Variants in IGSF5 observed in about 807,000 individuals in gnomAD.
IGSF5 encodes the protein immunoglobulin superfamily 5 like.
A neutral mutation model predicts 39.4 loss-of-function variants in IGSF5; 41 were observed. The observed-to-expected ratio is 1.04, with a 90% CI of 0.81 to 1.35. IGSF5 has a LOEUF of 1.35. Ranked by LOEUF, IGSF5 falls within the 40% of genes most tolerant of loss-of-function variation. The pLI, the probability that IGSF5 is intolerant of heterozygous loss-of-function variation, is 0.00. For synonymous variants in IGSF5, 183 were observed against 175.3 expected, an observed-to-expected ratio of 1.04 and a Z score of -0.34; for missense variants, 487 against 494.6, an observed-to-expected ratio of 0.98 and a Z score of 0.15.
chr21:39,769,052 G>A (rs1057352118), intron 3 of IGSF5, among the ~76,000 whole-genome samples: 3 of 152,298 alleles, frequency 2.0e-5, no homozygotes, highest in Middle Eastern at 6.8e-3. Flanking sequence ...TTTTCCAGAT[G>A]ACTGAAGTGT....
At chr21:39,716,895 C>A in the IGSF5 span, among the ~76,000 whole-genome samples, 1 of 152,210 alleles carries the variant, frequency 6.6e-6, no homozygotes, top group Non-Finnish European at 1.5e-5. Context: ...AATGCTAGTT[C>A]TGCTTTTAGC....
At chr21:39,791,350 T>G (rs1206284085) in intron 6 of IGSF5, among the ~76,000 whole-genome samples, 3 of 152,230 alleles carry the variant, frequency 2.0e-5, no homozygotes, top group African/African-American at 7.2e-5. Flanking sequence ...AGTACATATT[T>G]ATACATATCC....
At chr21:39,791,904 C>T (rs982658606) in intron 6 of IGSF5, 104 bp from the exon 7 acceptor site, 1 of 740,300 alleles carries the variant, frequency 1.4e-6, no homozygotes, top group African/African-American at 1.8e-5. Flanking sequence ...TGTAAGCATA[C>T]TCTTGAGAGT....
At chr21:39,788,105 G>A (rs1601140124) in intron 5 of IGSF5, 62 bp from the exon 6 acceptor site, 6 of 1,316,846 alleles carry the variant, frequency 4.6e-6, no homozygotes, top group Admixed American at 1.9e-5. Context: ...AAAAATTAAT[G>A]AGACTCGATT....
chr21:39,770,773 AC>A, intron 3 of IGSF5, 142 bp from the exon 4 acceptor site: 1 of 501,356 alleles, frequency 2.0e-6, no homozygotes, highest in Non-Finnish European at 3.2e-6. Context: ...TAGTAGAGAC[AC>A]AGCCTCTTTG....
chr21:39,722,938 C>G, the IGSF5 span, among the ~76,000 whole-genome samples: 3 of 152,324 alleles, frequency 2.0e-5, no homozygotes, highest in Admixed American at 6.5e-5. Flanking sequence ...GTAGTCCTCA[C>G]AAAGCTATGT....
intron 8 of IGSF5, among the ~76,000 whole-genome samples, chr21:39,797,853 A>G (rs2087006125): frequency 6.6e-6 from 1 of 152,228 alleles, no homozygotes; most frequent in Non-Finnish European, 1.5e-5. Context: ...CCAATCAGTT[A>G]TGACAAAAAT....
rs751254536 is a variant in IGSF5 at position 39,771,123 on chromosome 21, G to A, written c.626G>A (p.Ser209Asn). 1.2e-6 allele frequency: 2 copies of A among 1,612,190 alleles called. No individual in the cohort carries two copies. Among genetic ancestry groups the A allele is most frequent in the South Asian group, 1.1e-5 (1 of 90,478 alleles). The part of the protein sequence containing the change: ...AVSILALTPQ[S>N]NGTLTCVATW... ...AGCATCCTGGCTCTGACCCCACAGA[G>A]CAATGGGACTTTGACTTGCGTGGCT... The change falls in exon 4 of 9, where the codon AGC (serine) becomes AAC (asparagine). Residue 209 changes from serine to asparagine, a missense_variant. Physicochemically the swap from Ser to Asn is conservative, Grantham distance 46 (BLOSUM62 1). Transcript: ENST00000380588.
At chr21:39,783,277 G>T (rs1006459735) in intron 5 of IGSF5, among the ~76,000 whole-genome samples, 1 of 151,892 alleles carries the variant, frequency 6.6e-6, no homozygotes, top group Non-Finnish European at 1.5e-5. Flanking sequence ...TAGTTTTTTT[G>T]AAAAACCTTC....
intron 2 of IGSF5, among the ~76,000 whole-genome samples, chr21:39,754,363 A>G (rs559049636): frequency 6.6e-6 from 1 of 152,296 alleles, no homozygotes; most frequent in South Asian, 2.1e-4. Flanking sequence ...CTGTATGGCT[A>G]TTTCCCACCA....
chr21:39,785,430 A>G (rs1441272397), intron 5 of IGSF5, among the ~76,000 whole-genome samples: 1 of 152,198 alleles, frequency 6.6e-6, no homozygotes, highest in East Asian at 1.9e-4. Flanking sequence ...CTGTTTTGGT[A>G]CCAGTACCAT....
chr21:39,721,809 A>G, the IGSF5 span, among the ~76,000 whole-genome samples: 1 of 151,682 alleles, frequency 6.6e-6, no homozygotes, highest in African/African-American at 2.4e-5. Context: ...CCATCCATCC[A>G]TCTACCTGCC....
intron 2 of IGSF5, among the ~76,000 whole-genome samples, chr21:39,765,295 A>G (rs531010809): frequency 5.9e-5 from 9 of 152,308 alleles, no homozygotes; most frequent in African/African-American, 2.2e-4. Context: ...GAGGAATACT[A>G]TTCAACCCAA....
chr21:39,776,394 C>G (rs1448438431), intron 4 of IGSF5, among the ~76,000 whole-genome samples: 2 of 152,106 alleles, frequency 1.3e-5, no homozygotes, highest in Non-Finnish European at 2.9e-5. Context: ...CATTTGCCTT[C>G]CAATGGAGCA....
intron 2 of IGSF5, among the ~76,000 whole-genome samples, chr21:39,759,503 A>T (rs1303048000): frequency 6.6e-6 from 1 of 151,926 alleles, no homozygotes; most frequent in African/African-American, 2.4e-5. Context: ...GTTACAAAAA[A>T]CTCTTCTAAA....
At chr21:39,770,792 G>A in intron 3 of IGSF5, 124 bp from the exon 4 acceptor site, 1 of 654,978 alleles carries the variant, frequency 1.5e-6, no homozygotes, top group Non-Finnish European at 2.2e-6. Flanking sequence ...TTGGGCTTGG[G>A]AAAATAGGTC....
the IGSF5 span, among the ~76,000 whole-genome samples, chr21:39,724,921 G>A: frequency 1.3e-5 from 2 of 152,178 alleles, no homozygotes; most frequent in Non-Finnish European, 2.9e-5. Flanking sequence ...GTTATTTGAG[G>A]TTTCCTTTAT....
chr21:39,717,437 T>C, the IGSF5 span, among the ~76,000 whole-genome samples: 77 of 152,330 alleles, frequency 5.1e-4, no homozygotes, highest in African/African-American at 1.7e-3. Context: ...CAAGATGGTA[T>C]TGCCTAGGTT....
chr21:39,753,653 G>A (rs554394490), intron 2 of IGSF5, among the ~76,000 whole-genome samples: 9 of 152,054 alleles, frequency 5.9e-5, no homozygotes, highest in Admixed American at 3.3e-4. Flanking sequence ...AAATCTGGGT[G>A]CTCCATTGTT....
Sources: allele counts gnomAD v4.1 joint callset (sites outside exome capture counted in the v4.1 genomes callset), GRCh38; gene constraint gnomAD v4.1.1; transcripts MANE v1.5; gene names NCBI Gene and HGNC (gene_info 2026-07-23, HGNC 2026-07-21).